SLC35D1: variants seen among roughly 807,000 people sequenced by gnomAD.
SLC35D1 encodes the protein nucleotide sugar transporter SLC35D1.
Under a neutral mutation model 46.7 loss-of-function variants are expected in SLC35D1, and 31 were observed. That is an observed-to-expected ratio of 0.66 (90% CI 0.50 to 0.90). The LOEUF (loss-of-function observed/expected upper bound fraction) is 0.90. Among genes scored for constraint, SLC35D1 ranks in the 40% least tolerant of loss-of-function variants. The probability of loss-of-function intolerance (pLI) is 0.00; values close to 1 mark genes in which losing one functional copy is unlikely to be tolerated. For missense variants in SLC35D1, 397 were observed against 426.2 expected (o/e 0.93, Z 0.60); for synonymous variants, 195 against 164.6 (o/e 1.18, Z -1.41).
intron 6 of SLC35D1, among the ~76,000 whole-genome samples, chr1:67,049,202 G>A (rs779870358): frequency 2.0e-5 from 3 of 152,008 alleles, no homozygotes; most frequent in Non-Finnish European, 2.9e-5. Flanking sequence ...GCTGAGGCAG[G>A]AGAATGGCGT....
At chr1:66,991,880 G>A in the SLC35D1 span, among the ~76,000 whole-genome samples, 1 of 150,136 alleles carries the variant, frequency 6.7e-6, no homozygotes, top group Non-Finnish European at 1.5e-5. Context: ...TCATCTGGCC[G>A]TTACTGTATA....
At chr1:67,023,220 G>A (rs1249469805) in intron 8 of SLC35D1, among the ~76,000 whole-genome samples, 1 of 152,104 alleles carries the variant, frequency 6.6e-6, no homozygotes, top group African/African-American at 2.4e-5. Flanking sequence ...ATTTGGTTAG[G>A]TGTATCTTTA....
the SLC35D1 span, among the ~76,000 whole-genome samples, chr1:66,979,807 G>T: frequency 6.6e-6 from 1 of 150,900 alleles, no homozygotes; most frequent in East Asian, 1.9e-4. Flanking sequence ...TGTTGCCCAG[G>T]CTGCTGGAGT....
intron 8 of SLC35D1, among the ~76,000 whole-genome samples, chr1:67,037,417 C>T (rs1668147179): frequency 6.6e-6 from 1 of 152,136 alleles, no homozygotes; most frequent in Admixed American, 6.5e-5. Context: ...GCTAAACTCT[C>T]ATCCAGGGAT....
chr1:67,045,590 T>C (rs948226125), intron 7 of SLC35D1, among the ~76,000 whole-genome samples: 3 of 152,186 alleles, frequency 2.0e-5, no homozygotes, highest in Non-Finnish European at 4.4e-5. Context: ...AAATAAGTCA[T>C]AGTGATTTCT....
Position 67,000,835 on chromosome 1 carries a change from G to T in SLC35D1, c.*3505C>A, listed in dbSNP as rs1018137884. The T allele has an allele frequency of 6.6e-6, 1 of 152,338 alleles. No homozygotes were observed. The highest frequency in any genetic ancestry group is 2.4e-5 in the African/African-American group (1 of 41,452). 9.4% of individuals were successfully genotyped at this position (152,338 alleles called of 1,614,324 possible). ...AGCTACTTACAGAATTCTAAGAGCTGTGTTGCTATCTCAGAGCTAGAAGAT... is the reference window on the plus strand; with the variant it reads ...AGCTACTTACAGAATTCTAAGAGCTTTGTTGCTATCTCAGAGCTAGAAGAT... On this transcript the variant is annotated 3_prime_UTR_variant, in exon 12 of 12. Transcript: ENST00000235345.
chr1:67,000,377 A>G lies in SLC35D1; in HGVS notation c.*3963T>C, dbSNP rs948314410. ...AAAATGTACTGTCACAATATAAAAG[A>G]AATTTTGTTCTTTTTAAAAAATAGG... On this transcript the variant is annotated 3_prime_UTR_variant, in exon 12 of 12. Transcript: ENST00000235345. 2 of 151,928 alleles carry G rather than the reference A, an allele frequency of 1.3e-5. No homozygotes were observed. The highest frequency in any genetic ancestry group is 2.9e-5 in the Non-Finnish European group (2 of 67,958). 9.4% of individuals were successfully genotyped at this position (151,928 alleles called of 1,614,324 possible). A position where few individuals can be genotyped will look rare whatever the true frequency, so the allele number is the denominator to read the frequency against.
the SLC35D1 span, among the ~76,000 whole-genome samples, chr1:66,977,630 T>C: frequency 3.5e-3 from 539 of 152,304 alleles, 2 homozygotes; most frequent in African/African-American, 0.012. Flanking sequence ...CTACACCTCA[T>C]TCAGTCTAGC....
At chr1:67,017,478 T>C (rs973474094) in intron 10 of SLC35D1, among the ~76,000 whole-genome samples, 10 of 152,160 alleles carry the variant, frequency 6.6e-5, no homozygotes, top group African/African-American at 2.4e-4. Flanking sequence ...GTGCTTTTCT[T>C]AAAGCCCTAC....
At chr1:67,041,893 G>C (rs1275216368) in intron 8 of SLC35D1, among the ~76,000 whole-genome samples, 6 of 152,118 alleles carry the variant, frequency 3.9e-5, no homozygotes, top group African/African-American at 1.2e-4. Flanking sequence ...ACTATTTCAA[G>C]ATTTTTGTTT....
At chr1:67,024,666 G>A (rs531961622) in intron 8 of SLC35D1, among the ~76,000 whole-genome samples, 2 of 152,026 alleles carry the variant, frequency 1.3e-5, no homozygotes, top group Non-Finnish European at 2.9e-5. Flanking sequence ...AGCTTGTAGA[G>A]GTATCACCCT....
chr1:67,028,174 C>T (rs998307418), intron 8 of SLC35D1, among the ~76,000 whole-genome samples: 3 of 152,128 alleles, frequency 2.0e-5, no homozygotes, highest in Non-Finnish European at 2.9e-5. Flanking sequence ...TTAATTTCTA[C>T]CTTAATATTG....
chr1:67,028,448 G>T (rs977505344), intron 8 of SLC35D1, among the ~76,000 whole-genome samples: 1 of 152,118 alleles, frequency 6.6e-6, no homozygotes, highest in African/African-American at 2.4e-5. Context: ...GATCCCAATT[G>T]TAATTGTGGG....
At chr1:67,045,131 C>T (rs1445562975) in intron 7 of SLC35D1, among the ~76,000 whole-genome samples, 4 of 152,192 alleles carry the variant, frequency 2.6e-5, no homozygotes, top group African/African-American at 9.7e-5. Flanking sequence ...TGGAGGCACA[C>T]ATACACACAA....
intron 11 of SLC35D1, 88 bp from the exon 12 acceptor site, chr1:67,004,536 A>C: frequency 9.4e-7 from 1 of 1,067,206 alleles, no homozygotes; most frequent in South Asian, 1.3e-5. Context: ...TACACCAAAA[A>C]ATTAGATGAA....
intron 10 of SLC35D1, among the ~76,000 whole-genome samples, chr1:67,012,545 CAA>C (rs10674963): frequency 4.3e-4 from 44 of 103,192 alleles, no homozygotes; most frequent in African/African-American, 1.0e-3. Flanking sequence ...ACTCCTAAAT[CAA>C]AAAAAAAAAA....
At chr1:66,982,509 A>C in the SLC35D1 span, among the ~76,000 whole-genome samples, 1 of 152,240 alleles carries the variant, frequency 6.6e-6, no homozygotes, top group African/African-American at 2.4e-5. Context: ...AGTGGACCAG[A>C]GATCACTGTG....
the SLC35D1 span, chr1:66,985,349 G>A: frequency 1.9e-5 from 19 of 985,332 alleles, no homozygotes; most frequent in Non-Finnish European, 2.3e-5. Context: ...TTCTTGAAAT[G>A]TCTTTAAAAC....
chr1:67,024,666 G>T (rs531961622), intron 8 of SLC35D1, among the ~76,000 whole-genome samples: 1 of 152,026 alleles, frequency 6.6e-6, no homozygotes, highest in Non-Finnish European at 1.5e-5. Context: ...AGCTTGTAGA[G>T]GTATCACCCT....
Sources: gnomAD v4.1 joint callset for allele counts (sites outside exome capture counted in the v4.1 genomes callset) on GRCh38, gnomAD v4.1.1 for gene constraint, MANE v1.5 for transcripts, NCBI Gene and HGNC (gene_info 2026-07-23, HGNC 2026-07-21) for gene names.